Variants in TUSC3 observed in about 807,000 individuals in gnomAD.
The protein encoded by TUSC3 is tumor suppressor candidate 3.
A neutral mutation model predicts 44.8 loss-of-function variants in TUSC3; 45 were observed. The ratio of observed to expected loss-of-function variants is 1.00; its 90% confidence interval spans 0.79 to 1.29. The LOEUF (loss-of-function observed/expected upper bound fraction) is 1.29. Ranked by LOEUF, TUSC3 falls within the 50% of genes most tolerant of loss-of-function variation. The pLI is 0.00. For synonymous variants in TUSC3, 212 were observed against 152.9 expected (o/e 1.39, Z -2.85); for missense variants, 519 against 437.9 (o/e 1.19, Z -1.65).
the TUSC3 span, among the ~76,000 whole-genome samples, chr8:15,817,665 C>T: frequency 2.0e-5 from 3 of 152,132 alleles, 1 homozygote; most frequent in South Asian, 6.2e-4. Flanking sequence ...CTTCCCCTTC[C>T]ACCATGATTA....
At chr8:15,810,450 C>T in the TUSC3 span, among the ~76,000 whole-genome samples, 1 of 151,990 alleles carries the variant, frequency 6.6e-6, no homozygotes. Flanking sequence ...GCAGCCTGGG[C>T]AACATAGGGA....
chr8:15,460,761 C>G (rs188553277), intron 1 of TUSC3, among the ~76,000 whole-genome samples: 2 of 152,246 alleles, frequency 1.3e-5, no homozygotes, highest in Admixed American at 6.5e-5. Context: ...AGACAATTAT[C>G]CCAGCACCAT....
chr8:15,724,685 C>T (rs1408696805), intron 6 of TUSC3, among the ~76,000 whole-genome samples: 1 of 152,022 alleles, frequency 6.6e-6, no homozygotes, highest in East Asian at 1.9e-4. Context: ...ATGTCCATTG[C>T]CCTTGTTCTG....
At chr8:15,546,666 G>C (rs1801875491) in intron 1 of TUSC3, among the ~76,000 whole-genome samples, 1 of 151,514 alleles carries the variant, frequency 6.6e-6, no homozygotes, top group Non-Finnish European at 1.5e-5. Flanking sequence ...CTCCCGAGTA[G>C]CTGGGATTAC....
chr8:15,564,439 T>A (rs981827805), intron 1 of TUSC3, among the ~76,000 whole-genome samples: 13 of 152,202 alleles, frequency 8.5e-5, no homozygotes, highest in African/African-American at 2.2e-4. Context: ...ATATTATTAC[T>A]GAATATTATT....
At chr8:15,801,514 AAAG>A in the TUSC3 span, among the ~76,000 whole-genome samples, 1 of 151,784 alleles carries the variant, frequency 6.6e-6, no homozygotes, top group Non-Finnish European at 1.5e-5. Flanking sequence ...TGAGAAAAAA[AAAG>A]AGAGAAATAC....
intron 1 of TUSC3, among the ~76,000 whole-genome samples, chr8:15,611,827 G>A (rs963312590): frequency 6.6e-5 from 10 of 152,066 alleles, no homozygotes; most frequent in African/African-American, 1.9e-4. Context: ...TTTTAAATCT[G>A]TTAAGTATGA....
intron 2 of TUSC3, among the ~76,000 whole-genome samples, chr8:15,646,859 CTTG>C (rs1355705826): frequency 1.3e-5 from 2 of 152,028 alleles, no homozygotes; most frequent in Non-Finnish European, 2.9e-5. Context: ...TCTTTACATT[CTTG>C]TTATGATAGG....
At chr8:15,583,274 C>T (rs1803451458) in intron 1 of TUSC3, among the ~76,000 whole-genome samples, 2 of 152,128 alleles carry the variant, frequency 1.3e-5, no homozygotes. Flanking sequence ...TTATAGAATT[C>T]AGAATTATGT....
chr8:15,566,630 T>G (rs11998676), intron 1 of TUSC3, among the ~76,000 whole-genome samples: 38,057 of 149,886 alleles, frequency 0.25, 4,961 homozygotes, highest in Non-Finnish European at 0.29. Context: ...TGTTGTTGTT[T>G]TTTTTTTGAG....
At chr8:15,678,897 G>C (rs1406834665) in intron 6 of TUSC3, among the ~76,000 whole-genome samples, 1 of 152,132 alleles carries the variant, frequency 6.6e-6, no homozygotes, top group Non-Finnish European at 1.5e-5. Context: ...GTTTCTGTGT[G>C]AATTTGCACC....
chr8:15,770,387 A>G (rs554168445), downstream of TUSC3, among the ~76,000 whole-genome samples: 5 of 152,212 alleles, frequency 3.3e-5, no homozygotes, highest in East Asian at 3.9e-4. Flanking sequence ...GGAGGGGAAC[A>G]TCACACACCG....
intron 1 of TUSC3, among the ~76,000 whole-genome samples, chr8:15,563,322 A>T (rs1025933595): frequency 1.3e-5 from 2 of 152,068 alleles, no homozygotes; most frequent in African/African-American, 4.8e-5. Flanking sequence ...TGAACCTGTT[A>T]AGTAGTCTCT....
At chr8:15,847,008 G>A in the TUSC3 span, among the ~76,000 whole-genome samples, 1 of 152,050 alleles carries the variant, frequency 6.6e-6, no homozygotes, top group Admixed American at 6.6e-5. Flanking sequence ...ATTTCAAAAG[G>A]AGTCTCTGGG....
chr8:15,475,751 C>CA (rs1800566725), intron 1 of TUSC3, among the ~76,000 whole-genome samples: 1 of 152,206 alleles, frequency 6.6e-6, no homozygotes, highest in Admixed American at 6.5e-5. Flanking sequence ...AACATAAATA[C>CA]AGAGTAAAGG....
At chr8:15,839,005 C>G in the TUSC3 span, among the ~76,000 whole-genome samples, 372 of 152,222 alleles carry the variant, frequency 2.4e-3, 1 homozygote, top group Middle Eastern at 0.01. Context: ...GAATGTTCTT[C>G]CACTTGTTTG....
rs569921231 is a variant in TUSC3, at chr8:15,522,453, G to A, written n.189+38970G>A. 2.6e-5 allele frequency among the ~76,000 whole-genome samples: 4 copies of A among 151,936 alleles called. No homozygotes were observed. The East Asian group carries it at 7.8e-4, about 29-fold the overall frequency. ...TCGCCATGTTGGCCAGGTTGGTCTT[G>A]AACTCCCGAACTCAGGTGATCCACC... On this transcript the variant is annotated intron_variant and non_coding_transcript_variant, in intron 2 of 5. Transcript: ENST00000503191.
intron 6 of TUSC3, among the ~76,000 whole-genome samples, chr8:15,687,190 C>G (rs1009066530): frequency 4.6e-5 from 7 of 152,090 alleles, no homozygotes; most frequent in Non-Finnish European, 8.8e-5. Context: ...TTTATTTATG[C>G]CTTTATTTTT....
intron 8 of TUSC3, among the ~76,000 whole-genome samples, chr8:15,746,403 G>C (rs1811416263): frequency 6.6e-6 from 1 of 151,994 alleles, no homozygotes; most frequent in Non-Finnish European, 1.5e-5. Flanking sequence ...TTTTTGATGT[G>C]ATTTTTATTT....
Sources: gnomAD v4.1 joint callset for allele counts (sites outside exome capture counted in the v4.1 genomes callset) on GRCh38, gnomAD v4.1.1 for gene constraint, MANE v1.5 for transcripts, NCBI Gene and HGNC (gene_info 2026-07-23, HGNC 2026-07-21) for gene names.